Variants in DLC1 observed in about 807,000 individuals in gnomAD.
DLC1 encodes DLC1 Rho GTPase activating protein.
DLC1 carries 54 observed loss-of-function variants against 140.3 expected under a neutral mutation model. That is an observed-to-expected ratio of 0.38 (90% CI 0.31 to 0.48). DLC1 has a LOEUF of 0.48. Ranked by LOEUF, DLC1 falls within the 20% of genes least tolerant of loss-of-function variation. The probability of loss-of-function intolerance (pLI) is 0.96; values close to 1 mark genes in which losing one functional copy is unlikely to be tolerated. For synonymous variants in DLC1, 986 were observed against 728.1 expected, an observed-to-expected ratio of 1.35 and a Z score of -5.70; for missense variants, 2,536 against 1,907.0, an observed-to-expected ratio of 1.33 and a Z score of -6.14.
chr8:13,208,252 G>T (rs978664624), intron 5 of DLC1, among the ~76,000 whole-genome samples: 8 of 152,094 alleles, frequency 5.3e-5, no homozygotes, highest in African/African-American at 1.9e-4. Flanking sequence ...CAGAATTCAA[G>T]AAATTTAATA....
intron 5 of DLC1, among the ~76,000 whole-genome samples, chr8:13,198,520 A>C (rs1827197712): frequency 1.3e-5 from 2 of 152,212 alleles, no homozygotes; most frequent in African/African-American, 4.8e-5. Flanking sequence ...TAAAACAAAT[A>C]AAAAACTTTA....
At chr8:13,389,078 A>G (rs1004115128) in intron 4 of DLC1, among the ~76,000 whole-genome samples, 6 of 152,070 alleles carry the variant, frequency 3.9e-5, no homozygotes, top group Non-Finnish European at 8.8e-5. Flanking sequence ...TGATTATTCT[A>G]CACAGTAGAA....
intron 4 of DLC1, among the ~76,000 whole-genome samples, chr8:13,337,984 G>C (rs1011138083): frequency 6.6e-6 from 1 of 152,082 alleles, no homozygotes; most frequent in East Asian, 1.9e-4. Context: ...ATCATACGTT[G>C]AGTAGTATAC....
chr8:13,121,511 C>T (rs747184902), intron 5 of DLC1, among the ~76,000 whole-genome samples: 1 of 152,140 alleles, frequency 6.6e-6, no homozygotes, highest in Non-Finnish European at 1.5e-5. Context: ...TGGTGACTCC[C>T]AGCCCTGGAT....
Position 13,123,998 on chromosome 8 carries a change from G to A in DLC1, c.1349-8341C>T, listed in dbSNP as rs960325217. 5.3e-5 allele frequency among the ~76,000 whole-genome samples: 8 copies of A among 152,024 alleles called. 1 individual carries two copies. The highest frequency in any genetic ancestry group is 8.8e-5 in the Non-Finnish European group (6 of 68,008). On this transcript the variant is annotated intron_variant, in intron 5 of 17. Transcript: ENST00000276297. The stretch of plus-strand genomic sequence containing the variant: ...AGTACACATTCATGCATATAAACAC[G>A]TGTCTGTATATGTAACTATTATAAA...
intron 5 of DLC1, among the ~76,000 whole-genome samples, chr8:13,199,169 C>CTCTTTT (rs1309779783): frequency 2.8e-5 from 4 of 140,710 alleles, no homozygotes; most frequent in Non-Finnish European, 4.5e-5. Context: ...ATGTCTCCTT[C>CTCTTTT]TCTTTTTCTT....
chr8:13,088,766 G>C, intron 15 of DLC1, 62 bp from the exon 16 acceptor site: 1 of 1,482,748 alleles, frequency 6.7e-7, no homozygotes, highest in Non-Finnish European at 9.3e-7. Flanking sequence ...TTTTGAAGTC[G>C]AATTGTTAGT....
chr8:13,504,915 G>A (rs995463138), intron 1 of DLC1, among the ~76,000 whole-genome samples: 1 of 152,118 alleles, frequency 6.6e-6, no homozygotes, highest in Non-Finnish European at 1.5e-5. Context: ...CAGGATAAAA[G>A]TTGTGTAGCA....
intron 5 of DLC1, among the ~76,000 whole-genome samples, chr8:13,135,774 C>T (rs1193230851): frequency 6.6e-6 from 1 of 152,122 alleles, no homozygotes; most frequent in African/African-American, 2.4e-5. Flanking sequence ...ATTCATCTTT[C>T]CAGAGTAAAA....
intron 4 of DLC1, among the ~76,000 whole-genome samples, chr8:13,370,158 C>T (rs1835665632): frequency 6.6e-6 from 1 of 151,762 alleles, no homozygotes; most frequent in African/African-American, 2.4e-5. Context: ...ATCACTTTGT[C>T]TAAAGGCCAC....
intron 5 of DLC1, among the ~76,000 whole-genome samples, chr8:13,144,530 C>T (rs1428502212): frequency 1.3e-5 from 2 of 152,090 alleles, no homozygotes; most frequent in East Asian, 3.9e-4. Flanking sequence ...CTTTGGGAGG[C>T]CGAGGCAGGC....
chr8:13,548,802 G>C (rs1470047045), intron 1 of DLC1, among the ~76,000 whole-genome samples: 2 of 152,026 alleles, frequency 1.3e-5, no homozygotes, highest in Non-Finnish European at 2.9e-5. Context: ...TGGTATTATT[G>C]TTGATTAATT....
At chr8:13,482,944 G>T (rs1478028940) in intron 2 of DLC1, among the ~76,000 whole-genome samples, 3 of 152,166 alleles carry the variant, frequency 2.0e-5, no homozygotes, top group African/African-American at 7.2e-5. Context: ...GTTTCCTGAG[G>T]CTGCTCTAAC....
intron 2 of DLC1, among the ~76,000 whole-genome samples, chr8:13,447,932 C>T (rs1277796472): frequency 6.6e-6 from 1 of 152,112 alleles, no homozygotes; most frequent in Non-Finnish European, 1.5e-5. Context: ...TTCAATGAGG[C>T]TCTGAAAAAT....
intron 5 of DLC1, among the ~76,000 whole-genome samples, chr8:13,211,867 G>T (rs981648349): frequency 3.9e-4 from 59 of 152,278 alleles, no homozygotes; most frequent in African/African-American, 1.4e-3. Context: ...AAACATACAT[G>T]AAATCCTGGC....
chr8:13,434,355 C>T (rs2116888266), intron 2 of DLC1, among the ~76,000 whole-genome samples: 1 of 152,322 alleles, frequency 6.6e-6, no homozygotes, highest in South Asian at 2.1e-4. Flanking sequence ...AGATTTTAAA[C>T]ATATGCAGTA....
At chr8:13,559,546 C>T (rs1435136401) in intron 1 of DLC1, among the ~76,000 whole-genome samples, 1 of 152,128 alleles carries the variant, frequency 6.6e-6, no homozygotes, top group African/African-American at 2.4e-5. Flanking sequence ...TTGCAATTTC[C>T]ATGTCATTCA....
chr8:13,499,349 A>AG lies in DLC1; in HGVS notation c.722dup (p.Lys242Ter). The AG allele has an allele frequency of 6.2e-7, 1 of 1,613,912 alleles. No individual in the cohort carries two copies. The highest frequency in any genetic ancestry group is 1.3e-5 in the African/African-American group (1 of 75,000). ...AGGTGCTTCTTTCATTTTCATCTTTAGGGGGGTCAGGTTTCCTTCGTTGCT... is the reference window on the plus strand; with the variant it reads ...AGGTGCTTCTTTCATTTTCATCTTTAGGGGGGGTCAGGTTTCCTTCGTTGCT... On this transcript the variant is annotated frameshift_variant, in exon 2 of 18. Coordinates refer to ENST00000276297, the MANE Select transcript of DLC1 (RefSeq NM_182643.3). LOFTEE classifies it high-confidence loss of function.
intron 5 of DLC1, among the ~76,000 whole-genome samples, chr8:13,166,925 C>T (rs1432763477): frequency 6.6e-6 from 1 of 151,898 alleles, no homozygotes; most frequent in Non-Finnish European, 1.5e-5. Context: ...TTGGAGGTGG[C>T]AGAAAAAGAA....
Sources: allele counts gnomAD v4.1 joint callset (sites outside exome capture counted in the v4.1 genomes callset), GRCh38; gene constraint gnomAD v4.1.1; transcripts MANE v1.5; gene names NCBI Gene and HGNC (gene_info 2026-07-23, HGNC 2026-07-21).